KAT6B: variants seen among roughly 807,000 people sequenced by gnomAD.
KAT6B encodes lysine acetyltransferase 6B.
Under a neutral mutation model 187.5 loss-of-function variants are expected in KAT6B, and 10 were observed. That is an observed-to-expected ratio of 0.05 (90% CI 0.03 to 0.09). KAT6B has a LOEUF of 0.09. KAT6B is among the 10% of genes least tolerant of loss of function. The pLI, the probability that KAT6B is intolerant of heterozygous loss-of-function variation, is 1.00. For synonymous variants in KAT6B, 861 were observed against 926.8 expected (o/e 0.93, Z 1.29); for missense variants, 1,952 against 2,558.9 (o/e 0.76, Z 5.12).
intron 3 of KAT6B, among the ~76,000 whole-genome samples, chr10:74,943,896 A>G (rs567419161): frequency 1.3e-5 from 2 of 152,364 alleles, no homozygotes; most frequent in African/African-American, 2.4e-5. Flanking sequence ...TATGTGTTAT[A>G]TACATACATA....
intron 3 of KAT6B, among the ~76,000 whole-genome samples, chr10:74,848,559 A>AT (rs59748904): frequency 0.3 from 43,959 of 147,078 alleles, 11,664 homozygotes; most frequent in African/African-American, 0.7. Flanking sequence ...GTGGTTTTTA[A>AT]TTTTTTTTTT....
At chr10:74,936,477 T>C (rs906805813) in intron 3 of KAT6B, among the ~76,000 whole-genome samples, 2 of 152,036 alleles carry the variant, frequency 1.3e-5, no homozygotes, top group Non-Finnish European at 2.9e-5. Flanking sequence ...TAAAAAATAA[T>C]ATACTATTCC....
At position 75,028,708 on chromosome 10, in the gene KAT6B, C is replaced by A. The variant is rs1485212351; in HGVS notation, c.3884C>A (p.Thr1295Asn). Residue 1295 changes from threonine (T) to asparagine (N), a missense_variant, in exon 18 of 18, where the codon ACT becomes AAT. Coordinates refer to ENST00000287239, the MANE Select transcript of KAT6B (RefSeq NM_012330.4). ...EQVTVEEQKE[T>N]SEGKTSPSPI... is the part of the protein sequence containing the mutation. Reference sequence around the variant, plus strand: ...GTAACAGTGGAAGAACAGAAGGAGACTTCAGAAGGAAAAACCAGCCCCAGT... The same window carrying A: ...GTAACAGTGGAAGAACAGAAGGAGAATTCAGAAGGAAAAACCAGCCCCAGT... 1 of 1,613,980 alleles carries A rather than the reference C, an allele frequency of 6.2e-7. No individual in the cohort carries two copies. Among genetic ancestry groups the A allele is most frequent in the Non-Finnish European group, 8.5e-7 (1 of 1,180,010 alleles).
intron 3 of KAT6B, among the ~76,000 whole-genome samples, chr10:74,889,072 T>C (rs546989045): frequency 6.6e-6 from 1 of 152,280 alleles, no homozygotes; most frequent in African/African-American, 2.4e-5. Context: ...TTACAAGTGA[T>C]AAGATCTTAG....
chr10:75,013,393 A>G (rs1198338162), intron 13 of KAT6B, among the ~76,000 whole-genome samples: 1 of 148,418 alleles, frequency 6.7e-6, no homozygotes, highest in Non-Finnish European at 1.5e-5. Context: ...AATTCAATTG[A>G]TATCTGGGTG....
Position 74,965,283 on chromosome 10 carries a change from A to G in KAT6B, c.731-4377A>G, listed in dbSNP as rs959442124. The stretch of plus-strand genomic sequence containing the variant: ...CCCTCTTCTGGTCCCATCCAATCAC[A>G]TTCATCTTTTGGGTCTCTTTTTTAG... On this transcript the variant is annotated intron_variant, in intron 4 of 17. Transcript: ENST00000287239. Among the ~76,000 whole-genome samples the G allele has an allele frequency of 2.0e-5, 3 of 152,052 alleles. No homozygotes were observed. The East Asian group carries it at 5.8e-4, about 29-fold the overall frequency.
At chr10:74,882,383 C>T (rs1844914436) in intron 3 of KAT6B, among the ~76,000 whole-genome samples, 1 of 152,188 alleles carries the variant, frequency 6.6e-6, no homozygotes, top group African/African-American at 2.4e-5. Flanking sequence ...TACCCTGGAA[C>T]TCATTCCTGT....
At chr10:74,830,643 C>G (rs573799828) in intron 1 of KAT6B, among the ~76,000 whole-genome samples, 20 of 146,934 alleles carry the variant, frequency 1.4e-4, no homozygotes, top group Admixed American at 6.9e-5. Flanking sequence ...CTCGCCCTCT[C>G]CAATCTCAGC....
intron 3 of KAT6B, among the ~76,000 whole-genome samples, chr10:74,925,525 C>T (rs1848434023): frequency 6.7e-6 from 1 of 150,110 alleles, no homozygotes; most frequent in South Asian, 2.1e-4. Context: ...TTTTGTAAAA[C>T]CTATGCCTGG....
intron 3 of KAT6B, among the ~76,000 whole-genome samples, chr10:74,907,073 G>A (rs1471791654): frequency 6.6e-6 from 1 of 152,206 alleles, no homozygotes; most frequent in Non-Finnish European, 1.5e-5. Context: ...ATCAAAGCAG[G>A]ATATTTAAGT....
At chr10:74,946,422 A>T (rs1257464265) in intron 3 of KAT6B, among the ~76,000 whole-genome samples, 1 of 152,248 alleles carries the variant, frequency 6.6e-6, no homozygotes, top group Non-Finnish European at 1.5e-5. Flanking sequence ...ATGAAAGCAC[A>T]TATTCTAAAA....
chr10:74,828,663 G>A (rs1266582345), intron 1 of KAT6B, among the ~76,000 whole-genome samples: 1 of 150,788 alleles, frequency 6.6e-6, no homozygotes, highest in Admixed American at 6.6e-5. Flanking sequence ...CGCCTCCCGG[G>A]TTCACGCCAT....
chr10:74,844,039 A>G (rs940389282), intron 3 of KAT6B, among the ~76,000 whole-genome samples: 24 of 151,460 alleles, frequency 1.6e-4, no homozygotes, highest in African/African-American at 5.8e-4. Context: ...ACACCTGGCT[A>G]ATTTTTGTAT....
chr10:75,003,178 C>A (rs1011951174), intron 13 of KAT6B: 1 of 152,202 alleles, frequency 6.6e-6, no homozygotes, highest in South Asian at 2.1e-4. Flanking sequence ...CTGCTCTAAA[C>A]CTTGGGCGGA....
intron 3 of KAT6B, among the ~76,000 whole-genome samples, chr10:74,912,600 TC>T (rs979249581): frequency 4.6e-5 from 7 of 152,220 alleles, no homozygotes; most frequent in African/African-American, 1.7e-4. Context: ...TTTTGCTTTC[TC>T]CTATCCCTCC....
chr10:74,992,279 G>A (rs1346914841), intron 13 of KAT6B, among the ~76,000 whole-genome samples: 1 of 152,156 alleles, frequency 6.6e-6, no homozygotes, highest in Non-Finnish European at 1.5e-5. Flanking sequence ...AGACATGGGT[G>A]GAATGTGATG....
intron 13 of KAT6B, 33 bp from the exon 14 acceptor site, chr10:75,020,549 G>A (rs750141525): frequency 2.7e-6 from 4 of 1,465,590 alleles, no homozygotes. Flanking sequence ...GAATGCCACA[G>A]TGAGGAATGC....
rs769493946 is a variant in KAT6B at position 74,979,218 on chromosome 10, T to G, written c.2116-6T>G. Reference sequence around the variant, plus strand: ...TTATTATTTTCCTTTTCTTTCTATTTGACAGAAAATAGAGTGTGAGAGTGG... The same window carrying G: ...TTATTATTTTCCTTTTCTTTCTATTGGACAGAAAATAGAGTGTGAGAGTGG... On this transcript the variant is annotated splice_polypyrimidine_tract_variant and splice_region_variant and intron_variant, in intron 9 of 17. Transcript: ENST00000287239. 6.3e-7 allele frequency: 1 copy of G among 1,592,798 alleles called. No individual in the cohort carries two copies. Among genetic ancestry groups the G allele is most frequent in the East Asian group, 2.2e-5 (1 of 44,760 alleles).
At position 75,029,164 on chromosome 10, in the gene KAT6B, A is replaced by T; in HGVS notation, c.4340A>T (p.Glu1447Val). ...GTGGAGAAGGAAGAGCTGCCCAGAG[A>T]AAGCTTCAAAGAAGTACTGGAAAAC... is the stretch of plus-strand genomic sequence containing the variant. ...AEVEKEELPR[E>V]SFKEVLENQE... The change falls in exon 18 of 18, where the codon GAA becomes GTA. Residue 1447 changes from glutamate (E) to valine (V), a missense_variant. Physicochemically the swap from Glu to Val is moderately radical, Grantham distance 121. Transcript: ENST00000287239. The surrounding 1 kb of genome is among the most constrained non-coding windows in gnomAD (Gnocchi z 6.2). 1 of 1,614,158 alleles carries T rather than the reference A, an allele frequency of 6.2e-7. No individual in the cohort carries two copies. The highest frequency in any genetic ancestry group is 8.5e-7 in the Non-Finnish European group (1 of 1,180,022).
Sources: allele counts gnomAD v4.1 joint callset (sites outside exome capture counted in the v4.1 genomes callset), GRCh38; gene constraint gnomAD v4.1.1; non-coding constraint Gnocchi (gnomAD v3.1); transcripts MANE v1.5; gene names NCBI Gene and HGNC (gene_info 2026-07-23, HGNC 2026-07-21).